The following CWH43 variants were observed in gnomAD, a reference collection of about 807,000 sequenced individuals.
CWH43 encodes cell wall biogenesis 43 C-terminal homolog.
Under a neutral mutation model 85.7 loss-of-function variants are expected in CWH43, and 91 were observed. The observed-to-expected ratio is 1.06, with a 90% CI of 0.90 to 1.26. The LOEUF (loss-of-function observed/expected upper bound fraction) is 1.26. CWH43 is among the 50% of genes most tolerant of loss of function. CWH43 has a pLI of 0.00. For missense variants in CWH43, 869 were observed against 839.2 expected (o/e 1.04, Z -0.44); for synonymous variants, 323 against 293.6 (o/e 1.10, Z -1.02).
chr4:49,036,382 G>T (rs1345539160), intron 12 of CWH43, among the ~76,000 whole-genome samples: 1 of 152,188 alleles, frequency 6.6e-6, no homozygotes, highest in Non-Finnish European at 1.5e-5. Flanking sequence ...GCTACCACCT[G>T]CCTTCTGTTG....
chr4:49,023,346 G>A (rs1458998073), intron 9 of CWH43, among the ~76,000 whole-genome samples: 1 of 152,034 alleles, frequency 6.6e-6, no homozygotes, highest in African/African-American at 2.4e-5. Flanking sequence ...GCATGGTTTT[G>A]AAGGTTCCTT....
rs755701306 is a variant in CWH43 at position 49,050,855 on chromosome 4, T to C, written c.2021+6T>C. On this transcript the variant is annotated splice_donor_region_variant and intron_variant, in intron 15 of 15. Transcript: ENST00000226432. Reference sequence around the variant, plus strand: ...AAAATTCATTTTAATCCCAGGTGAGTTCCTTTATGCTGTAGTTCCAGTTAT... The same window carrying C: ...AAAATTCATTTTAATCCCAGGTGAGCTCCTTTATGCTGTAGTTCCAGTTAT... 1.2e-6 allele frequency: 2 copies of C among 1,608,820 alleles called. No homozygotes were observed. Among genetic ancestry groups the C allele is most frequent in the South Asian group, 2.2e-5 (2 of 90,506 alleles).
rs80071668 is a variant in CWH43 at position 48,987,707 on chromosome 4, A to G, written c.44-770A>G. 3.9e-3 allele frequency among the ~76,000 whole-genome samples: 595 copies of G among 152,268 alleles called. 9 individuals carry two copies. Among genetic ancestry groups the G allele is most frequent in the African/African-American group, 0.014 (578 of 41,564 alleles). Reference sequence around the variant, plus strand: ...GCAAGTGCCCATAGCGTTAATTATCATTATTGCTCAAGATTATACAGCAGC... The same window carrying G: ...GCAAGTGCCCATAGCGTTAATTATCGTTATTGCTCAAGATTATACAGCAGC... On this transcript the variant is annotated intron_variant, in intron 1 of 15. Transcript: ENST00000226432.
intron 5 of CWH43, among the ~76,000 whole-genome samples, chr4:48,998,230 T>G (rs1180121385): frequency 6.6e-6 from 1 of 152,212 alleles, no homozygotes; most frequent in African/African-American, 2.4e-5. Flanking sequence ...GTTACTGTGT[T>G]TACATGATAA....
rs927565232 is a variant in CWH43, at chr4:48,998,367, G to T, written c.714-93G>T. ...GTTTCACACACGTTATCTCTTATAT[G>T]TACCCAGAGGTGGGAGGTATATTTC... On this transcript the variant is annotated intron_variant, in intron 5 of 15. Coordinates refer to ENST00000226432, the MANE Select transcript of CWH43 (RefSeq NM_025087.3). The T allele has an allele frequency of 4.2e-6, 4 of 956,976 alleles. No homozygotes were observed. In the African/African-American group the frequency reaches 4.8e-5, roughly 12 times the overall value. 59.3% of individuals were successfully genotyped at this position (956,976 alleles called of 1,614,324 possible).
rs116109394 is a variant in CWH43, at chr4:48,990,175, G to A, written c.236-1279G>A. Among the ~76,000 whole-genome samples the A allele has an allele frequency of 3.9e-3, 591 of 152,182 alleles. 8 individuals are homozygous for A. Among genetic ancestry groups the A allele is most frequent in the African/African-American group, 0.014 (574 of 41,524 alleles). ...GGGATGTGATATAAAATAAGTTTGG[G>A]GTAGATATTGTATTTTATTTTGATG... On this transcript the variant is annotated intron_variant, in intron 2 of 15. Transcript: ENST00000226432.
intron 12 of CWH43, among the ~76,000 whole-genome samples, chr4:49,034,415 A>T (rs971252397): frequency 2.0e-5 from 3 of 152,160 alleles, no homozygotes; most frequent in Non-Finnish European, 4.4e-5. Context: ...CCCAAAATGT[A>T]AAGAATAGGT....
intron 14 of CWH43, among the ~76,000 whole-genome samples, chr4:49,045,821 A>T (rs1784606613): frequency 6.6e-6 from 1 of 152,104 alleles, no homozygotes; most frequent in South Asian, 2.1e-4. Context: ...TACTGATCAA[A>T]TCATTATAAT....
chr4:49,026,265 C>T (rs190150634), intron 9 of CWH43, among the ~76,000 whole-genome samples: 6 of 152,274 alleles, frequency 3.9e-5, no homozygotes, highest in Non-Finnish European at 8.8e-5. Context: ...AGGAACTTGC[C>T]CCAGGCTACA....
rs758755610 is a variant in CWH43, at chr4:48,992,139, A to G, written c.511+49A>G. The G allele has an allele frequency of 2.7e-6, 4 of 1,458,592 alleles. No homozygotes were observed. The highest frequency in any genetic ancestry group is 3.8e-6 in the Non-Finnish European group (4 of 1,053,970). 90.4% of individuals were successfully genotyped at this position (1,458,592 alleles called of 1,614,324 possible). On this transcript the variant is annotated intron_variant, in intron 4 of 15. Coordinates refer to ENST00000226432, the MANE Select transcript of CWH43 (RefSeq NM_025087.3). The surrounding 1 kb of genome is among the most constrained non-coding windows in gnomAD (Gnocchi z 4.3). ...TCTCTTTGCAGAGCTTACCTTTCCT[A>G]TGTGAATGTTGCACATCTTGGAAAG...
chr4:49,022,413 T>C (rs1783781115), intron 9 of CWH43, among the ~76,000 whole-genome samples: 1 of 152,232 alleles, frequency 6.6e-6, no homozygotes, highest in South Asian at 2.1e-4. Context: ...TTGATCATGG[T>C]GGATTATCTT....
intron 12 of CWH43, 62 bp from the exon 13 acceptor site, chr4:49,037,974 C>A: frequency 2.0e-6 from 3 of 1,489,508 alleles, no homozygotes; most frequent in Non-Finnish European, 2.7e-6. Flanking sequence ...ACTTAGGTAC[C>A]TAAGGCTTTT....
Position 48,998,526 on chromosome 4 carries a change from T to C in CWH43, c.780T>C (p.Thr260=), listed in dbSNP as rs760940270. 6.2e-7 allele frequency: 1 copy of C among 1,613,820 alleles called. No homozygotes were observed. Among genetic ancestry groups the C allele is most frequent in the Non-Finnish European group, 8.5e-7 (1 of 1,179,678 alleles). ...CATCTTGTTTGTGGTTTCGTGGTAC[T>C]GGTTTGATCTGGTGGGTTACAGGTA... ...MLPSCLWFRG[T]GLIWWVTGTA... is the part of the protein sequence containing the mutation. Residue 260 remains threonine (T), a synonymous_variant, in exon 6 of 16, where the codon ACT becomes ACC. Coordinates refer to ENST00000226432, the MANE Select transcript of CWH43 (RefSeq NM_025087.3).
chr4:49,012,541 G>A (rs1201654689), intron 8 of CWH43, among the ~76,000 whole-genome samples: 1 of 152,176 alleles, frequency 6.6e-6, no homozygotes, highest in Non-Finnish European at 1.5e-5. Flanking sequence ...ATCCTTTGGA[G>A]GAGAAGAGGC....
chr4:49,016,548 G>T, intron 8 of CWH43: 1 of 673,110 alleles, frequency 1.5e-6, no homozygotes, highest in Non-Finnish European at 2.8e-6. Flanking sequence ...GAAGGGATTG[G>T]CCTGGTCTCA....
At chr4:49,002,426 A>G (rs1345295649) in intron 6 of CWH43, among the ~76,000 whole-genome samples, 2 of 152,210 alleles carry the variant, frequency 1.3e-5, no homozygotes, top group African/African-American at 4.8e-5. Context: ...AATGTTTCAT[A>G]AATAGCAGCA....
At chr4:49,052,642 C>G (rs1452733357) in intron 15 of CWH43, among the ~76,000 whole-genome samples, 1 of 152,068 alleles carries the variant, frequency 6.6e-6, no homozygotes, top group Non-Finnish European at 1.5e-5. Flanking sequence ...ATATTTTTGG[C>G]TAACCACAAC....
At chr4:49,012,404 A>C (rs577907081) in intron 8 of CWH43, among the ~76,000 whole-genome samples, 1 of 152,258 alleles carries the variant, frequency 6.6e-6, no homozygotes, top group East Asian at 1.9e-4. Context: ...GCTTCCTTGC[A>C]ATGGGTTAGA....
At chr4:49,019,245 T>C (rs545732122) in intron 9 of CWH43, among the ~76,000 whole-genome samples, 1 of 152,148 alleles carries the variant, frequency 6.6e-6, no homozygotes, top group East Asian at 1.9e-4. Flanking sequence ...GGAAACAGGA[T>C]TGTAGAATGG....
Sources: gnomAD v4.1 joint callset for allele counts (sites outside exome capture counted in the v4.1 genomes callset) on GRCh38, gnomAD v4.1.1 for gene constraint, Gnocchi (gnomAD v3.1) non-coding constraint, MANE v1.5 for transcripts, NCBI Gene and HGNC (gene_info 2026-07-23, HGNC 2026-07-21) for gene names.